Variants in EEF1AKMT2 observed in about 807,000 individuals in gnomAD.
EEF1AKMT2 encodes the protein EEF1A lysine methyltransferase 2.
Under a neutral mutation model 35.8 loss-of-function variants are expected in EEF1AKMT2, and 32 were observed. The ratio of observed to expected loss-of-function variants is 0.89; its 90% confidence interval spans 0.67 to 1.20. The LOEUF (loss-of-function observed/expected upper bound fraction) is 1.20. Among genes scored for constraint, EEF1AKMT2 ranks in the 50% most tolerant of loss-of-function variants. The pLI is 0.00. For synonymous variants in EEF1AKMT2, 121 were observed against 133.7 expected (o/e 0.91, Z 0.65); for missense variants, 330 against 347.5 (o/e 0.95, Z 0.40).
chr10:124,789,604 A>T (rs564217673), intron 2 of EEF1AKMT2, among the ~76,000 whole-genome samples: 81 of 151,904 alleles, frequency 5.3e-4, no homozygotes, highest in African/African-American at 1.9e-3. Context: ...CAAAAAAGAA[A>T]ATTTGCTGGG....
At chr10:124,782,483 G>C (rs1419995662) in intron 3 of EEF1AKMT2, among the ~76,000 whole-genome samples, 2 of 151,138 alleles carry the variant, frequency 1.3e-5, no homozygotes, top group African/African-American at 2.4e-5. Context: ...TCGGGAGGCT[G>C]AGGCAGGAGA....
At chr10:124,779,747 CAAAAAAAAAAAA>C (rs34475748) in intron 3 of EEF1AKMT2, among the ~76,000 whole-genome samples, 27 of 28,176 alleles carry the variant, frequency 9.6e-4, no homozygotes, top group Non-Finnish European at 1.5e-3. Flanking sequence ...GACTCCATCT[CAAAAAAAAAAAA>C]AAAAAAAAAA....
chr10:124,791,247 G>T (rs1300790266), intron 1 of EEF1AKMT2, among the ~76,000 whole-genome samples: 2 of 151,874 alleles, frequency 1.3e-5, no homozygotes, highest in Non-Finnish European at 2.9e-5. Context: ...TTCACCCCAA[G>T]ATCCCCCACT....
At chr10:124,762,629 C>A in intron 5 of EEF1AKMT2, 71 bp from the exon 6 acceptor site, 3 of 825,618 alleles carry the variant, frequency 3.6e-6, no homozygotes, top group Non-Finnish European at 4.6e-6. Context: ...ATCAATTGGT[C>A]TATCATACTA....
intron 3 of EEF1AKMT2, chr10:124,783,029 A>G (rs1950556321): frequency 7.6e-6 from 3 of 395,052 alleles, no homozygotes; most frequent in South Asian, 5.6e-5. Context: ...GGAAAACAAT[A>G]TAACATGTAA....
Position 124,760,302 on chromosome 10 carries a change from C to G in EEF1AKMT2, c.*201G>C. 1 of 649,220 alleles carries G rather than the reference C, an allele frequency of 1.5e-6. No individual in the cohort carries two copies. Among genetic ancestry groups the G allele is most frequent in the Admixed American group, 2.7e-5 (1 of 37,550 alleles). 40.2% of individuals were successfully genotyped at this position (649,220 alleles called of 1,614,324 possible). On this transcript the variant is annotated 3_prime_UTR_variant, in exon 7 of 7. Coordinates refer to ENST00000368836, the MANE Select transcript of EEF1AKMT2 (RefSeq NM_212554.4). ...TCCAGTATACTCTATTCAACATGTG[C>G]ATCCTGTGTACTTACTAAGCATTTA...
chr10:124,788,710 T>TTATATA lies in EEF1AKMT2; in HGVS notation c.291+327_291+332dup, dbSNP rs146577563. On this transcript the variant is annotated intron_variant, in intron 3 of 6. Coordinates refer to ENST00000368836, the MANE Select transcript of EEF1AKMT2 (RefSeq NM_212554.4). ...CTACTGGAATTGCAAAAGGTCATCT[T>TTATATA]TATATATATATATATATATGCATTT... Among the ~76,000 whole-genome samples the TTATATA allele has an allele frequency of 5.9e-3, 549 of 92,564 alleles. 44 individuals carry two copies. The highest frequency in any genetic ancestry group is 0.04 in the South Asian group (82 of 2,048). The allele number at this position is 92,564 out of a possible 152,430, so 60.7% of individuals were successfully genotyped here. A position where few individuals can be genotyped will look rare whatever the true frequency, so the allele number is the denominator to read the frequency against.
In EEF1AKMT2 at chr10:124,791,844, G is replaced by A. The variant is rs111980057; in HGVS notation, c.-11C>T. 4.5e-6 allele frequency: 7 copies of A among 1,559,882 alleles called. No individual in the cohort carries two copies. Among genetic ancestry groups the A allele is most frequent in the South Asian group, 1.2e-5 (1 of 85,910 alleles). On this transcript the variant is annotated 5_prime_UTR_variant, in exon 1 of 7. In the 5' UTR this introduces an upstream ATG that the reference lacks. Transcript: ENST00000368836. Reference sequence around the variant, plus strand: ...AGCGCCCGAGCTCATTTCGCTCCACGTCCTGGACGGCCGTTGGGGCCGCCA... The same window carrying A: ...AGCGCCCGAGCTCATTTCGCTCCACATCCTGGACGGCCGTTGGGGCCGCCA...
chr10:124,783,965 C>G (rs561832798), intron 3 of EEF1AKMT2, among the ~76,000 whole-genome samples: 1 of 152,320 alleles, frequency 6.6e-6, no homozygotes, highest in East Asian at 1.9e-4. Context: ...GCTGGGATTA[C>G]AGGCATGCAC....
At chr10:124,791,047 G>A (rs1041016883) in intron 1 of EEF1AKMT2, among the ~76,000 whole-genome samples, 1 of 151,930 alleles carries the variant, frequency 6.6e-6, no homozygotes, top group African/African-American at 2.4e-5. Context: ...ACAGGCGTAA[G>A]CCACCACGCA....
At chr10:124,770,818 G>A (rs1005978654) in intron 4 of EEF1AKMT2, among the ~76,000 whole-genome samples, 1 of 152,092 alleles carries the variant, frequency 6.6e-6, no homozygotes, top group Non-Finnish European at 1.5e-5. Flanking sequence ...ACTTTCTCTG[G>A]TCGTCCACCA....
chr10:124,786,963 ATT>A (rs774384401), intron 3 of EEF1AKMT2, among the ~76,000 whole-genome samples: 3 of 145,946 alleles, frequency 2.1e-5, no homozygotes, highest in African/African-American at 2.5e-5. Flanking sequence ...GTACAAAAGA[ATT>A]TTTTTTTTTT....
intron 6 of EEF1AKMT2, 132 bp downstream of exon 6, chr10:124,762,168 A>G (rs1950336932): frequency 1.5e-6 from 1 of 647,670 alleles, no homozygotes; most frequent in Non-Finnish European, 2.0e-6. Flanking sequence ...CCAATGCGCC[A>G]CCCCACGCCA....
intron 3 of EEF1AKMT2, among the ~76,000 whole-genome samples, chr10:124,784,725 G>GT (rs1950569734): frequency 6.6e-6 from 1 of 152,092 alleles, no homozygotes; most frequent in South Asian, 2.1e-4. Flanking sequence ...GAGGTCAGGA[G>GT]TTTAAGACCA....
In EEF1AKMT2 at chr10:124,791,706, G is replaced by A; in HGVS notation, c.110+18C>T. The A allele has an allele frequency of 6.4e-7, 1 of 1,567,426 alleles. No homozygotes were observed. Among genetic ancestry groups the A allele is most frequent in the Non-Finnish European group, 8.6e-7 (1 of 1,161,444 alleles). On this transcript the variant is annotated intron_variant, in intron 1 of 6. Transcript: ENST00000368836. ...AGGGCGGCACGGCTCATCCTCCCCT[G>A]CCCAGCGTCACACTCACTGCTCGCG...
At chr10:124,781,979 A>G (rs2134138323) in intron 3 of EEF1AKMT2, among the ~76,000 whole-genome samples, 1 of 152,302 alleles carries the variant, frequency 6.6e-6, no homozygotes, top group South Asian at 2.1e-4. Flanking sequence ...TTATAGTGGT[A>G]AAATACTGAT....
intron 5 of EEF1AKMT2, among the ~76,000 whole-genome samples, chr10:124,765,147 T>A (rs1372600993): frequency 6.6e-6 from 1 of 152,214 alleles, no homozygotes; most frequent in African/African-American, 2.4e-5. Flanking sequence ...CTCATAAATG[T>A]TAGTACTTAA....
At chr10:124,769,440 A>AGACT (rs1309090533) in intron 4 of EEF1AKMT2, among the ~76,000 whole-genome samples, 1 of 151,662 alleles carries the variant, frequency 6.6e-6, no homozygotes, top group Non-Finnish European at 1.5e-5. Context: ...TTAAGTTGAG[A>AGACT]GACTATTAGC....
Position 124,757,955 on chromosome 10 carries a change from T to C in EEF1AKMT2, c.*2548A>G, listed in dbSNP as rs1950299364. ...GCACCTGGCTTAAAACAAAATGTACTGAAAACTTTGTATTTGTTAATTGGG... is the reference window on the plus strand; with the variant it reads ...GCACCTGGCTTAAAACAAAATGTACCGAAAACTTTGTATTTGTTAATTGGG... On this transcript the variant is annotated 3_prime_UTR_variant, in exon 7 of 7. Transcript: ENST00000368836. 1 of 152,220 alleles carries C rather than the reference T, an allele frequency of 6.6e-6. No individual in the cohort carries two copies. Among genetic ancestry groups the C allele is most frequent in the Admixed American group, 6.5e-5 (1 of 15,286 alleles). 9.4% of individuals were successfully genotyped at this position (152,220 alleles called of 1,614,324 possible). A position where few individuals can be genotyped will look rare whatever the true frequency, so the allele number is the denominator to read the frequency against.
Sources: allele counts gnomAD v4.1 joint callset (sites outside exome capture counted in the v4.1 genomes callset), GRCh38; gene constraint gnomAD v4.1.1; transcripts MANE v1.5; gene names NCBI Gene and HGNC (gene_info 2026-07-23, HGNC 2026-07-21).